Variants in SLIT3 observed in about 807,000 individuals in gnomAD.
SLIT3 encodes slit homolog 3 protein.
In SLIT3, 68 loss-of-function variants were observed where a neutral mutation model predicts 184.0. The ratio of observed to expected loss-of-function variants is 0.37; its 90% confidence interval spans 0.30 to 0.45. The LOEUF (loss-of-function observed/expected upper bound fraction) is 0.45, where lower values mean the gene tolerates loss of function less well. SLIT3 is among the 20% of genes least tolerant of loss of function. SLIT3 has a pLI of 1.00. For missense variants in SLIT3, 1,707 were observed against 2,026.0 expected (o/e 0.84, Z 3.02); for synonymous variants, 831 against 828.6 (o/e 1.00, Z -0.05).
At position 168,663,252 on chromosome 5, in the gene SLIT3, G is replaced by A. The variant is rs1234471305; in HGVS notation, c.*3202C>T. 6.6e-6 allele frequency: 1 copy of A among 151,818 alleles called. No individual in the cohort carries two copies. Among genetic ancestry groups the A allele is most frequent in the East Asian group, 1.9e-4 (1 of 5,166 alleles). The allele number at this position is 151,818 out of a possible 1,614,324, so 9.4% of individuals were successfully genotyped here. ...AGAGGCTAGCAGGGGCATTGGTGGT[G>A]GGATAAGGCTCAGATCCACCTGCCT... On this transcript the variant is annotated 3_prime_UTR_variant, in exon 36 of 36. Transcript: ENST00000519560.
chr5:168,749,685 G>T (rs1419376943), intron 18 of SLIT3, 50 bp from the exon 19 acceptor site: 26 of 1,602,080 alleles, frequency 1.6e-5, no homozygotes, highest in Non-Finnish European at 2.0e-5. Flanking sequence ...TGTGGGAGCG[G>T]CCCTGGGATC....
intron 8 of SLIT3, among the ~76,000 whole-genome samples, chr5:168,810,601 C>G (rs578156925): frequency 6.8e-4 from 104 of 152,346 alleles, no homozygotes; most frequent in African/African-American, 2.5e-3. Context: ...ACGCGTCTCC[C>G]CTCTGGGGGG....
intron 3 of SLIT3, among the ~76,000 whole-genome samples, chr5:169,228,634 C>A (rs192133437): frequency 6.6e-6 from 1 of 152,262 alleles, no homozygotes; most frequent in East Asian, 1.9e-4. Context: ...TTGGTCTCTG[C>A]GCCTCTAAAA....
chr5:169,057,179 A>C (rs954657160), intron 4 of SLIT3, among the ~76,000 whole-genome samples: 1 of 152,318 alleles, frequency 6.6e-6, no homozygotes, highest in East Asian at 1.9e-4. Flanking sequence ...AGGGAAGTTG[A>C]GAAGGAGGGT....
chr5:169,103,796 G>A lies in SLIT3; in HGVS notation c.413+89683C>T, dbSNP rs1214282994. Among the ~76,000 whole-genome samples the A allele has an allele frequency of 3.3e-5, 5 of 151,816 alleles. 1 individual carries two copies. The highest frequency in any genetic ancestry group is 4.2e-4 in the South Asian group (2 of 4,784). On this transcript the variant is annotated intron_variant, in intron 4 of 35. Transcript: ENST00000519560. The stretch of plus-strand genomic sequence containing the variant: ...GGCAGGCCTGCTCAGGCTGGGGCTC[G>A]CCACCCTGCTCAGAAGCTTCAGCTC...
intron 4 of SLIT3, among the ~76,000 whole-genome samples, chr5:169,173,382 T>G (rs1275409974): frequency 6.6e-6 from 1 of 152,170 alleles, no homozygotes; most frequent in African/African-American, 2.4e-5. Flanking sequence ...CGCAAAAGGC[T>G]AGGACTGAAA....
At chr5:169,039,787 C>G (rs778520863) in intron 4 of SLIT3, among the ~76,000 whole-genome samples, 1 of 152,208 alleles carries the variant, frequency 6.6e-6, no homozygotes, top group Non-Finnish European at 1.5e-5. Flanking sequence ...GACTCCTTAT[C>G]ACGTGATACA....
In SLIT3 at chr5:168,843,418, T is replaced by C. The variant is rs367651851; in HGVS notation, c.557+1166A>G. Among the ~76,000 whole-genome samples the C allele has an allele frequency of 7.9e-5, 12 of 152,318 alleles. No homozygotes were observed. The East Asian group carries it at 2.3e-3, about 29-fold the overall frequency. On this transcript the variant is annotated intron_variant, in intron 6 of 35. Coordinates refer to ENST00000519560, the MANE Select transcript of SLIT3 (RefSeq NM_003062.4). Reference sequence around the variant, plus strand: ...ATCAGAGATAGGTAACCTGTGACTGTGTAATTTTTTATTTTTAGGAGGAGG... The same window carrying C: ...ATCAGAGATAGGTAACCTGTGACTGCGTAATTTTTTATTTTTAGGAGGAGG...
intron 9 of SLIT3, among the ~76,000 whole-genome samples, chr5:168,798,108 G>A (rs1186984381): frequency 6.6e-6 from 1 of 151,894 alleles, no homozygotes; most frequent in African/African-American, 2.4e-5. Context: ...GCTTCCAAAC[G>A]AAGAAAAAAG....
At chr5:168,866,170 G>A (rs1759293643) in intron 5 of SLIT3, among the ~76,000 whole-genome samples, 1 of 152,214 alleles carries the variant, frequency 6.6e-6, no homozygotes, top group Non-Finnish European at 1.5e-5. Context: ...TTTCCAAAGT[G>A]CAGGCGGAGT....
At chr5:169,137,334 A>G (rs1291661482) in intron 4 of SLIT3, among the ~76,000 whole-genome samples, 31 of 143,636 alleles carry the variant, frequency 2.2e-4, no homozygotes, top group Non-Finnish European at 3.6e-4. Context: ...ACACACACAC[A>G]CAGAGAGAGA....
In SLIT3 at chr5:169,014,023, C is replaced by T. The variant is rs564449189; in HGVS notation, c.414-130687G>A. Among the ~76,000 whole-genome samples the T allele has an allele frequency of 2.6e-5, 4 of 152,166 alleles. No individual in the cohort carries two copies. The South Asian group carries it at 8.3e-4, about 32-fold the overall frequency. ...GAAGGATAAAAGTCATAAAATGCCT[C>T]GCAAAAACTTTGAGGTCTGCCTGCC... is the stretch of plus-strand genomic sequence containing the variant. On this transcript the variant is annotated intron_variant, in intron 4 of 35. Transcript: ENST00000519560.
intron 1 of SLIT3, among the ~76,000 whole-genome samples, chr5:169,252,468 C>G (rs1009260372): frequency 6.6e-6 from 1 of 152,096 alleles, no homozygotes; most frequent in Non-Finnish European, 1.5e-5. Context: ...ACTGAAGTCA[C>G]GAACAAGCCT....
intron 4 of SLIT3, among the ~76,000 whole-genome samples, chr5:169,031,084 T>A (rs754516308): frequency 5.9e-5 from 9 of 152,126 alleles, no homozygotes; most frequent in Non-Finnish European, 1.3e-4. Context: ...TCCAGCATAG[T>A]AGTCGTACTA....
In SLIT3 at chr5:168,832,486, C is replaced by T. The variant is rs911102081; in HGVS notation, c.558-9155G>A. Among the ~76,000 whole-genome samples the T allele has an allele frequency of 4.6e-5, 7 of 152,168 alleles. No homozygotes were observed. The East Asian group carries it at 5.8e-4, about 13-fold the overall frequency. On this transcript the variant is annotated intron_variant, in intron 6 of 35. Transcript: ENST00000519560. ...CCTCACTGTTTACTGAATGGGCTGG[C>T]GAATATCAAAGCATGAACAGTCAGG...
intron 3 of SLIT3, among the ~76,000 whole-genome samples, chr5:169,239,739 T>C (rs1483965200): frequency 3.3e-5 from 5 of 152,104 alleles, no homozygotes. Context: ...AGAATTTTTC[T>C]ATTATACATT....
intron 4 of SLIT3, among the ~76,000 whole-genome samples, chr5:168,984,344 A>G (rs1176080561): frequency 1.3e-5 from 2 of 152,254 alleles, no homozygotes; most frequent in African/African-American, 4.8e-5. Flanking sequence ...CCTCTTTAAC[A>G]AGAGAACTGG....
chr5:168,705,500 T>C (rs146225819), intron 26 of SLIT3, among the ~76,000 whole-genome samples: 3 of 152,256 alleles, frequency 2.0e-5, no homozygotes, highest in South Asian at 4.1e-4. Context: ...ACCATCACCA[T>C]TGTCACCTTT....
At chr5:168,986,876 A>T (rs1046602659) in intron 4 of SLIT3, among the ~76,000 whole-genome samples, 8 of 152,190 alleles carry the variant, frequency 5.3e-5, no homozygotes, top group African/African-American at 1.9e-4. Context: ...CATGATATAC[A>T]CATTGTTTAC....
Sources: allele counts gnomAD v4.1 joint callset (sites outside exome capture counted in the v4.1 genomes callset), GRCh38; gene constraint gnomAD v4.1.1; transcripts MANE v1.5; gene names NCBI Gene and HGNC (gene_info 2026-07-23, HGNC 2026-07-21).